The following SP3 variants were observed in gnomAD, a reference collection of about 807,000 sequenced individuals.
SP3 encodes the protein Sp3 transcription factor.
In SP3, 10 loss-of-function variants were observed where a neutral mutation model predicts 70.3. That is an observed-to-expected ratio of 0.14 (90% CI 0.09 to 0.24). The LOEUF is 0.24. Ranked by LOEUF, SP3 falls within the 10% of genes least tolerant of loss-of-function variation. SP3 has a pLI of 1.00. For missense variants in SP3, 825 were observed against 914.6 expected (o/e 0.90, Z 1.26); for synonymous variants, 402 against 333.5 (o/e 1.21, Z -2.24).
intron 5 of SP3, chr2:173,914,449 T>C (rs1230082815): frequency 1.3e-5 from 2 of 152,226 alleles, no homozygotes; most frequent in Non-Finnish European, 2.9e-5. Context: ...TATATTTTAA[T>C]GTACTCACAC....
chr2:173,934,117 G>T (rs565034062), intron 4 of SP3, among the ~76,000 whole-genome samples: 11 of 152,076 alleles, frequency 7.2e-5, no homozygotes, highest in African/African-American at 2.4e-4. Context: ...CGGGGCACCT[G>T]TAGTCCCACC....
At chr2:173,953,240 C>T (rs1690769956) in intron 4 of SP3, among the ~76,000 whole-genome samples, 1 of 152,236 alleles carries the variant, frequency 6.6e-6, no homozygotes, top group Non-Finnish European at 1.5e-5. Context: ...TTGATTTATG[C>T]TAAGACACAA....
intron 4 of SP3, among the ~76,000 whole-genome samples, chr2:173,944,942 C>A (rs897563426): frequency 5.3e-5 from 8 of 152,178 alleles, no homozygotes; most frequent in Non-Finnish European, 1.0e-4. Context: ...CATGGTGAAA[C>A]CCTGTCTCTA....
chr2:173,944,703 C>A (rs2105486460), intron 4 of SP3, among the ~76,000 whole-genome samples: 1 of 152,206 alleles, frequency 6.6e-6, no homozygotes, highest in Admixed American at 6.5e-5. Flanking sequence ...TTATGTTCAT[C>A]CAGAATCCTT....
intron 4 of SP3, among the ~76,000 whole-genome samples, chr2:173,937,853 T>C (rs1038680395): frequency 4.6e-5 from 7 of 152,188 alleles, no homozygotes; most frequent in African/African-American, 1.2e-4. Flanking sequence ...ATCCGAGATA[T>C]AACATTTCAT....
At chr2:173,965,577 C>G (rs1436414706), upstream of SP3, 1 of 217,606 alleles carries the variant, frequency 4.6e-6, no homozygotes, top group Admixed American at 6.0e-5. Flanking sequence ...GGTTACCCCG[C>G]TGTGCCCGCC....
upstream of SP3, chr2:173,965,589 C>G: frequency 9.5e-6 from 2 of 210,568 alleles, no homozygotes; most frequent in South Asian, 1.2e-4. Context: ...GTGCCCGCCT[C>G]CCTCGCCGGC....
intron 3 of SP3, among the ~76,000 whole-genome samples, chr2:173,956,932 A>G (rs1690914331): frequency 6.6e-6 from 1 of 152,192 alleles, no homozygotes; most frequent in Non-Finnish European, 1.5e-5. Flanking sequence ...TGTCTGGCAT[A>G]TACCTTTTGT....
rs772251038 is a variant in SP3 at position 173,904,340 on chromosome 2, C to T, written c.*5601G>A. Reference sequence around the variant, plus strand: ...AAGTCATCAACTCTATGGTGTTTTACGAGAGAATATACTGTACCTCAGTTG... The same window carrying T: ...AAGTCATCAACTCTATGGTGTTTTATGAGAGAATATACTGTACCTCAGTTG... On this transcript the variant is annotated 3_prime_UTR_variant, in exon 7 of 7. Coordinates refer to ENST00000310015, the MANE Select transcript of SP3 (RefSeq NM_003111.5). Among the ~76,000 whole-genome samples, 3 of 152,056 alleles carry T rather than the reference C, an allele frequency of 2.0e-5. No homozygotes were observed. Among genetic ancestry groups the T allele is most frequent in the East Asian group, 1.9e-4 (1 of 5,184 alleles).
At chr2:173,930,565 AC>A (rs1690039878) in intron 4 of SP3, among the ~76,000 whole-genome samples, 1 of 152,204 alleles carries the variant, frequency 6.6e-6, no homozygotes, top group South Asian at 2.1e-4. Flanking sequence ...TGAAACCAGT[AC>A]CAGTTAAAAT....
In SP3 at chr2:173,910,090, T is replaced by A; in HGVS notation, c.2197A>T (p.Thr733Ser). 2 of 1,612,952 alleles carry A rather than the reference T, an allele frequency of 1.2e-6. No homozygotes were observed. Among genetic ancestry groups the A allele is most frequent in the Non-Finnish European group, 1.7e-6 (2 of 1,179,168 alleles). The change falls in exon 7 of 7, where the codon ACA becomes TCA. Residue 733 changes from threonine (T) to serine (S), a missense_variant. Physicochemically the swap from Thr to Ser is moderately conservative, Grantham distance 58. Around this residue, in one of 4 missense-constraint regions of SP3, gnomAD observed 91 missense variants for 97.4 expected, o/e 0.93. Coordinates refer to ENST00000310015, the MANE Select transcript of SP3 (RefSeq NM_003111.5). ...RDDTLITAGG[T>S]TLILANIQQG... is the part of the protein sequence containing the mutation. ...TGAATATTTGCAAGGATAAGCGTTG[T>A]TCCTCCTGCAGTAATCAAAGTATCA...
chr2:173,935,436 G>A (rs1003530354), intron 4 of SP3, among the ~76,000 whole-genome samples: 18 of 152,114 alleles, frequency 1.2e-4, no homozygotes, highest in African/African-American at 3.9e-4. Flanking sequence ...CAAACTATCT[G>A]AGTGCAAACT....
At position 173,952,751 on chromosome 2, in the gene SP3, GA is replaced by G. The variant is rs1690750377; in HGVS notation, c.1639+2121del. On this transcript the variant is annotated intron_variant, in intron 4 of 6. Coordinates refer to ENST00000310015, the MANE Select transcript of SP3 (RefSeq NM_003111.5). ...GAAATGAGGTAATGACACATACCAT[GA>G]CACAGATGAACCTTGAAAACATCAT... 5.3e-5 allele frequency among the ~76,000 whole-genome samples: 8 copies of G among 152,294 alleles called. No homozygotes were observed. In the East Asian group the frequency reaches 1.3e-3, roughly 26 times the overall value.
intron 4 of SP3, among the ~76,000 whole-genome samples, chr2:173,930,197 C>T (rs1000059857): frequency 2.0e-5 from 3 of 152,178 alleles, no homozygotes; most frequent in Non-Finnish European, 2.9e-5. Context: ...ATGGTCATAA[C>T]CCTGACTGGA....
In SP3 at chr2:173,955,421, T is replaced by C. The variant is rs779423247; in HGVS notation, c.1091A>G (p.His364Arg). ...ATAATTTCCCTGAAGATCTGAAGAA[T>C]GAACCTGCCCACTAGATGTAGTCAA... Reference protein sequence around the residue: ...NSLTTSSGQVHSSDLQGNYIQ... With the variant: ...NSLTTSSGQVRSSDLQGNYIQ... The change falls in exon 4 of 7, where the codon CAT becomes CGT. Residue 364 changes from histidine to arginine, a missense_variant. By Grantham distance (29) the His-to-Arg change is conservative. This residue lies in a region of SP3 where 678 missense variants were observed against 651.6 expected (regional missense o/e 1.04). Transcript: ENST00000310015. The C allele has an allele frequency of 7.9e-5, 127 of 1,614,162 alleles. 1 individual carries two copies. The South Asian group carries it at 1.2e-3, about 16-fold the overall frequency.
At chr2:173,933,638 T>TTATATATATATATATATATATATATA (rs60102426) in intron 4 of SP3, among the ~76,000 whole-genome samples, 15 of 86,544 alleles carry the variant, frequency 1.7e-4, no homozygotes, top group East Asian at 3.2e-4. Context: ...TTATAAAACT[T>TTATATATATATATATATATATATATA]TATATATATA....
At chr2:173,962,639 G>C (rs1691123287) in intron 3 of SP3, among the ~76,000 whole-genome samples, 2 of 150,896 alleles carry the variant, frequency 1.3e-5, no homozygotes, top group Admixed American at 6.7e-5. Context: ...CTTAACATTG[G>C]TTTAACTTAA....
chr2:173,964,411 C>T lies in SP3; in HGVS notation c.150G>A (p.Ala50=), dbSNP rs1389746927. 7 of 722,360 alleles carry T rather than the reference C, an allele frequency of 9.7e-6. No individual in the cohort carries two copies. Among genetic ancestry groups the T allele is most frequent in the Non-Finnish European group, 1.8e-5 (7 of 396,006 alleles). The allele number at this position is 722,360 out of a possible 1,614,324, so 44.7% of individuals were successfully genotyped here. A position where few individuals can be genotyped will look rare whatever the true frequency, so the allele number is the denominator to read the frequency against. Reference sequence around the variant, plus strand: ...GGGTTCAGCCGCTCCTCACCTGGGCCGCCGCTGCCGCCGCCACCGCACCGT... The same window carrying T: ...GGGTTCAGCCGCTCCTCACCTGGGCTGCCGCTGCCGCCGCCACCGCACCGT... ...HGNGAVAAAA[A]AQDTQPSPLA... Residue 50 remains alanine, a synonymous_variant, in exon 2 of 7, where the codon GCG becomes GCA. Transcript: ENST00000310015.
At chr2:173,934,209 C>A (rs1690153312) in intron 4 of SP3, among the ~76,000 whole-genome samples, 1 of 151,530 alleles carries the variant, frequency 6.6e-6, no homozygotes, top group Non-Finnish European at 1.5e-5. Context: ...CCCTGTAATC[C>A]AGTCTGAGTG....
Sources: allele counts gnomAD v4.1 joint callset (sites outside exome capture counted in the v4.1 genomes callset), GRCh38; gene constraint gnomAD v4.1.1; regional missense constraint gnomAD v4.1.1; transcripts MANE v1.5; gene names NCBI Gene and HGNC (gene_info 2026-07-23, HGNC 2026-07-21).